The following USP40 variants were observed in gnomAD, a reference collection of about 807,000 sequenced individuals.
USP40 encodes the protein ubiquitin specific peptidase 40, also known as ubiquitin carboxyl-terminal hydrolase 40.
In USP40, 143 loss-of-function variants were observed where a neutral mutation model predicts 166.2. The ratio of observed to expected loss-of-function variants is 0.86; its 90% CI spans 0.75 to 0.99. The LOEUF is 0.99. Ranked by LOEUF, USP40 falls within the 50% of genes least tolerant of loss-of-function variation. The pLI is 0.00. For missense variants in USP40, 1,444 were observed against 1,479.7 expected, an observed-to-expected ratio of 0.98 and a Z score of 0.40; for synonymous variants, 498 against 524.0, an observed-to-expected ratio of 0.95 and a Z score of 0.68.
intron 18 of USP40, among the ~76,000 whole-genome samples, chr2:233,516,183 A>AT (rs148056001): frequency 0.031 from 4,690 of 152,290 alleles, 224 homozygotes; most frequent in African/African-American, 0.11. Flanking sequence ...GTCTACCTGT[A>AT]TGCCAATATA....
rs190593105 is a variant in USP40 at position 233,516,789 on chromosome 2, A to T, written c.2383+2825T>A. On this transcript the variant is annotated intron_variant, in intron 18 of 31. Transcript: ENST00000678225. ...AGAGAATCGCTTGAACCCAGGAGAC[A>T]GAGGTTGTAGTGAGCCAAGATTGCT... Among the ~76,000 whole-genome samples the T allele has an allele frequency of 4.0e-5, 6 of 151,680 alleles. No individual in the cohort carries two copies. The East Asian group carries it at 1.2e-3, about 29-fold the overall frequency.
rs1280375005 is a variant in USP40 at position 233,491,157 on chromosome 2, G to A, written c.3012+10C>T. 1 of 1,587,440 alleles carries A rather than the reference G, an allele frequency of 6.3e-7. No homozygotes were observed. Among genetic ancestry groups the A allele is most frequent in the African/African-American group, 1.3e-5 (1 of 74,548 alleles). On this transcript the variant is annotated intron_variant, in intron 26 of 31. Coordinates refer to ENST00000678225, the MANE Select transcript of USP40 (RefSeq NM_001365479.2). ...TTACCACTAAGTTATGGTGCAGGAA[G>A]AAGTCTGACCTGAGACTTCAGCTCC...
At chr2:233,484,522 G>A (rs2064825167) in intron 30 of USP40, among the ~76,000 whole-genome samples, 1 of 150,768 alleles carries the variant, frequency 6.6e-6, no homozygotes, top group East Asian at 1.9e-4. Context: ...TGTTGCCTGG[G>A]CTGCAGTGCA....
chr2:233,494,933 T>TAA (rs56406301), intron 24 of USP40, among the ~76,000 whole-genome samples: 1 of 42,520 alleles, frequency 2.4e-5, no homozygotes, highest in African/African-American at 1.7e-4. Context: ...TATATATATA[T>TAA]ATATATATAT....
In USP40 at chr2:233,485,590, G is replaced by GA; in HGVS notation, c.3444_3445insT (p.Gln1149SerfsTer20). ...TACGGTGCCCCTTGCAAATAATCTT[G>GA]TTTTTTTTTCTTTTTCCTCTTGGTT... On this transcript the variant is annotated frameshift_variant, in exon 30 of 32. Coordinates refer to ENST00000678225, the MANE Select transcript of USP40 (RefSeq NM_001365479.2). LOFTEE classifies it high-confidence loss of function. 1 of 1,597,432 alleles carries GA rather than the reference G, an allele frequency of 6.3e-7. No homozygotes were observed. The highest frequency in any genetic ancestry group is 8.6e-7 in the Non-Finnish European group (1 of 1,168,314).
At chr2:233,499,783 T>C in intron 22 of USP40, 96 bp downstream of exon 22, 2 of 973,806 alleles carry the variant, frequency 2.1e-6, no homozygotes, top group Non-Finnish European at 3.1e-6. Context: ...CTCCACACCC[T>C]ATAAATTTTT....
chr2:233,490,118 T>A (rs1405804699), intron 26 of USP40, among the ~76,000 whole-genome samples: 1 of 151,954 alleles, frequency 6.6e-6, no homozygotes, highest in Non-Finnish European at 1.5e-5. Flanking sequence ...TATTTTCCCA[T>A]TTGTTCTCAT....
At position 233,536,567 on chromosome 2, in the gene USP40, CT is replaced by C. The variant is rs150646999; in HGVS notation, c.1171-2789del. Among the ~76,000 whole-genome samples, 185 of 152,292 alleles carry C rather than the reference CT, an allele frequency of 1.2e-3. 1 individual carries two copies. Among genetic ancestry groups the C allele is most frequent in the Middle Eastern group, 6.8e-3 (2 of 294 alleles). On this transcript the variant is annotated intron_variant, in intron 10 of 31. Transcript: ENST00000678225. ...TCGGGAGGCTGAGGCTGGAGGACTG[CT>C]TGAGCCTGGGAGGCAGAGATTGCAG...
chr2:233,557,579 C>T (rs989920327), intron 4 of USP40, among the ~76,000 whole-genome samples: 1 of 152,084 alleles, frequency 6.6e-6, no homozygotes, highest in African/African-American at 2.4e-5. Flanking sequence ...AAATTTATAA[C>T]CAAACCAAGG....
Position 233,565,550 on chromosome 2 carries a change from A to G in USP40, c.5T>C (p.Phe2Ser), listed in dbSNP as rs966808846. 7 of 1,536,840 alleles carry G rather than the reference A, an allele frequency of 4.6e-6. No individual in the cohort carries two copies. The Admixed American group carries it at 1.4e-4, about 30-fold the overall frequency. The change falls in exon 2 of 32, where the codon TTT becomes TCT. Residue 2 changes from phenylalanine (F) to serine (S), a missense_variant. By Grantham distance (155) the Phe-to-Ser change is radical. Coordinates refer to ENST00000678225, the MANE Select transcript of USP40 (RefSeq NM_001365479.2). M[F>S]GDLFEEEYST... Reference sequence around the variant, plus strand: ...ATACTCCTCTTCAAACAGGTCCCCAAACATTGTGAAACTAAATACTACCCT... The same window carrying G: ...ATACTCCTCTTCAAACAGGTCCCCAGACATTGTGAAACTAAATACTACCCT...
chr2:233,509,154 A>C (rs1294970582), intron 21 of USP40, among the ~76,000 whole-genome samples: 2 of 152,216 alleles, frequency 1.3e-5, no homozygotes, highest in East Asian at 1.9e-4. Context: ...CACTCTTTCC[A>C]ACCTGTATCA....
At chr2:233,528,798 C>T (rs1210496674) in intron 12 of USP40, among the ~76,000 whole-genome samples, 1 of 152,064 alleles carries the variant, frequency 6.6e-6, no homozygotes, top group Non-Finnish European at 1.5e-5. Flanking sequence ...AAGGAGATCA[C>T]GGTAACATCC....
At chr2:233,499,136 G>T (rs1158042212) in intron 22 of USP40, among the ~76,000 whole-genome samples, 1 of 151,906 alleles carries the variant, frequency 6.6e-6, no homozygotes, top group Non-Finnish European at 1.5e-5. Context: ...AATTTTTCCT[G>T]ATGCTCTCCC....
At chr2:233,534,842 T>C (rs190761969) in intron 10 of USP40, among the ~76,000 whole-genome samples, 1 of 152,354 alleles carries the variant, frequency 6.6e-6, no homozygotes, top group East Asian at 1.9e-4. Context: ...GAATTAACTC[T>C]TTTAAGCCTC....
At chr2:233,491,395 TGAG>T in intron 25 of USP40, 134 bp from the exon 26 acceptor site, 2 of 700,028 alleles carry the variant, frequency 2.9e-6, no homozygotes, top group East Asian at 2.7e-5. Flanking sequence ...CCAAGTCTTA[TGAG>T]GAGGCCCTGT....
Position 233,527,707 on chromosome 2 carries a change from G to A in USP40, c.1554-129C>T, listed in dbSNP as rs569761001. ...ACCAAAGTAACAATTTTTCTTCTATGTGCCACAATTAGTCACTTTAATTTT... is the reference window on the plus strand; with the variant it reads ...ACCAAAGTAACAATTTTTCTTCTATATGCCACAATTAGTCACTTTAATTTT... On this transcript the variant is annotated intron_variant, in intron 12 of 31. Coordinates refer to ENST00000678225, the MANE Select transcript of USP40 (RefSeq NM_001365479.2). 91 of 796,812 alleles carry A rather than the reference G, an allele frequency of 1.1e-4. 1 individual carries two copies. The South Asian group carries it at 2.0e-3, about 18-fold the overall frequency. The allele number at this position is 796,812 out of a possible 1,614,324, so 49.4% of individuals were successfully genotyped here.
intron 5 of USP40, chr2:233,556,538 C>T (rs992394394): frequency 2.4e-5 from 4 of 164,740 alleles, no homozygotes; most frequent in Non-Finnish European, 5.2e-5. Context: ...ACTTTCTTTA[C>T]AATATTCCAA....
At chr2:233,500,514 C>T (rs187417230) in intron 21 of USP40, among the ~76,000 whole-genome samples, 51 of 152,050 alleles carry the variant, frequency 3.4e-4, no homozygotes, top group African/African-American at 1.2e-3. Context: ...CTTGGACAAG[C>T]GAGCAAATAC....
At chr2:233,509,578 T>C (rs575185312) in intron 21 of USP40, among the ~76,000 whole-genome samples, 47 of 152,192 alleles carry the variant, frequency 3.1e-4, no homozygotes, top group African/African-American at 1.1e-3. Context: ...GAATGGCTCA[T>C]GCCTGTAATC....
Sources: allele counts gnomAD v4.1 joint callset (sites outside exome capture counted in the v4.1 genomes callset), GRCh38; gene constraint gnomAD v4.1.1; transcripts MANE v1.5; gene names NCBI Gene and HGNC (gene_info 2026-07-23, HGNC 2026-07-21).